RGS20: variants seen among roughly 807,000 people sequenced by gnomAD.
RGS20 encodes the protein regulator of G protein signaling 20.
A neutral mutation model predicts 33.6 loss-of-function variants in RGS20; 30 were observed. The ratio of observed to expected loss-of-function variants is 0.89; its 90% CI spans 0.67 to 1.21. RGS20 has a LOEUF of 1.21. Ranked by LOEUF, RGS20 falls within the 50% of genes most tolerant of loss-of-function variation. The pLI, the probability that RGS20 is intolerant of heterozygous loss-of-function variation, is 0.00. For synonymous variants in RGS20, 208 were observed against 197.9 expected (o/e 1.05, Z -0.43); for missense variants, 472 against 502.4 (o/e 0.94, Z 0.58).
intron 2 of RGS20, among the ~76,000 whole-genome samples, chr8:53,918,599 G>T (rs1432820404): frequency 6.6e-6 from 1 of 151,944 alleles, no homozygotes; most frequent in Non-Finnish European, 1.5e-5. Flanking sequence ...TGTTGGTCAG[G>T]CTGGTCTCGA....
chr8:53,950,879 T>C (rs1052675343), intron 4 of RGS20, among the ~76,000 whole-genome samples: 3 of 152,172 alleles, frequency 2.0e-5, no homozygotes, highest in African/African-American at 7.2e-5. Flanking sequence ...CCTCCCAAAG[T>C]GCTGGGATTA....
chr8:53,953,735 G>GT (rs1225582388), intron 4 of RGS20, among the ~76,000 whole-genome samples: 4 of 152,176 alleles, frequency 2.6e-5, no homozygotes, highest in Non-Finnish European at 5.9e-5. Flanking sequence ...TGATTAGGAA[G>GT]TTTTGGGTCA....
chr8:53,865,862 T>C (rs57546155), intron 1 of RGS20, among the ~76,000 whole-genome samples: 13,829 of 152,188 alleles, frequency 0.091, 1,304 homozygotes, highest in East Asian at 0.32. Flanking sequence ...CCTGCCTCAA[T>C]GTTCCAAAGT....
At chr8:53,906,835 T>C (rs899275286) in intron 2 of RGS20, among the ~76,000 whole-genome samples, 1 of 152,094 alleles carries the variant, frequency 6.6e-6, no homozygotes, top group Non-Finnish European at 1.5e-5. Flanking sequence ...GGGAGAGATA[T>C]GTATAGGGCA....
chr8:53,939,499 A>G, intron 2 of RGS20, 77 bp from the exon 2 acceptor site: 1 of 1,376,204 alleles, frequency 7.3e-7, no homozygotes. Flanking sequence ...AATGATCCAA[A>G]CAGCTGACTC....
Position 53,952,864 on chromosome 8 carries a change from T to C in RGS20, c.744-1212T>C, listed in dbSNP as rs574771920. On this transcript the variant is annotated intron_variant, in intron 4 of 5. Transcript: ENST00000297313. ...ATGTTTTCTGATCTCAATATAATTA[T>C]GACAGAAGTAAGAATTAACTCAAAG... is the stretch of plus-strand genomic sequence containing the variant. Among the ~76,000 whole-genome samples the C allele has an allele frequency of 2.1e-4, 32 of 152,318 alleles. 1 individual carries two copies. The South Asian group carries it at 5.2e-3, about 25-fold the overall frequency.
At chr8:53,880,907 T>C (rs965256570) in intron 2 of RGS20, 5 of 1,530,122 alleles carry the variant, frequency 3.3e-6, no homozygotes, top group Non-Finnish European at 4.4e-6. Flanking sequence ...AGAAGAGGGC[T>C]AGAGCAAAGA....
chr8:53,956,591 A>T (rs1400261929), intron 5 of RGS20, among the ~76,000 whole-genome samples: 1 of 152,146 alleles, frequency 6.6e-6, no homozygotes, highest in Admixed American at 6.5e-5. Context: ...TGACTCCCAT[A>T]TGTCTGGTGT....
chr8:53,917,311 C>G (rs1265205080), intron 2 of RGS20, among the ~76,000 whole-genome samples: 1 of 152,034 alleles, frequency 6.6e-6, no homozygotes, highest in African/African-American at 2.4e-5. Flanking sequence ...CCACACCTGG[C>G]TAATTTTTTG....
At chr8:53,939,811 T>A in intron 3 of RGS20, 87 bp downstream of exon 2, 2 of 1,414,598 alleles carry the variant, frequency 1.4e-6, no homozygotes, top group Non-Finnish European at 1.9e-6. Context: ...CTGAAAGTGG[T>A]GGCAGCTTAT....
Position 53,879,557 on chromosome 8 carries a change from GC to G in RGS20, c.468del (p.Arg157GlyfsTer77), listed in dbSNP as rs763243801. 626 of 1,540,734 alleles carry G rather than the reference GC, an allele frequency of 4.1e-4. 1 individual carries two copies. Among genetic ancestry groups the G allele is most frequent in the Non-Finnish European group, 5.0e-4 (574 of 1,144,012 alleles). ...TGAGGCCCCCCCATCCGGTAGCCAA[GC>G]CCAGGGAAGAAGACGCCACCGCTGG... On this transcript the variant is annotated frameshift_variant, in exon 2 of 6. Transcript: ENST00000297313. LOFTEE classifies it high-confidence loss of function.
Position 53,946,703 on chromosome 8 carries a change from T to C in RGS20, c.698T>C (p.Ile233Thr), listed in dbSNP as rs1387856296. The C allele has an allele frequency of 1.2e-5, 20 of 1,613,202 alleles. No individual in the cohort carries two copies. The highest frequency in any genetic ancestry group is 2.7e-5 in the African/African-American group (2 of 74,896). The change falls in exon 4 of 6, where the codon ATA becomes ACA. Residue 233 changes from isoleucine to threonine, a missense_variant. This residue lies in a region of RGS20 where 319 missense variants were observed against 283.4 expected (regional missense o/e 1.13). Coordinates refer to ENST00000297313, the MANE Select transcript of RGS20 (RefSeq NM_170587.4). The stretch of plus-strand genomic sequence containing the variant: ...AACCAGGAAGATCAGAGGCCCACAA[T>C]AGCTTCCCACGAACTCAGAGCAGAT...
At chr8:53,880,990 A>C in intron 2 of RGS20, 1 of 1,593,630 alleles carries the variant, frequency 6.3e-7, no homozygotes, top group Non-Finnish European at 8.5e-7. Context: ...CCGCGCTGCA[A>C]TATTGAGAAG....
chr8:53,852,077 C>T (rs1811578463), intron 1 of RGS20: 1 of 1,602,206 alleles, frequency 6.2e-7, no homozygotes, highest in South Asian at 1.1e-5. Context: ...AAGGTGATTT[C>T]CACAATCCAT....
In RGS20 at chr8:53,869,632, C is replaced by T. The variant is rs141064741; in HGVS notation, c.166-9626C>T. Among the ~76,000 whole-genome samples, 389 of 152,246 alleles carry T rather than the reference C, an allele frequency of 2.6e-3. 2 individuals are homozygous for T. The highest frequency in any genetic ancestry group is 8.3e-3 in the African/African-American group (345 of 41,546). ...TGGAGGTTGCGGCGAGCCAAGATCA[C>T]GCCACTACACTCCAGCCTAGGTGAT... On this transcript the variant is annotated intron_variant, in intron 1 of 5. Coordinates refer to ENST00000297313, the MANE Select transcript of RGS20 (RefSeq NM_170587.4).
At chr8:53,926,052 A>G (rs1813786916) in intron 2 of RGS20, among the ~76,000 whole-genome samples, 1 of 152,070 alleles carries the variant, frequency 6.6e-6, no homozygotes, top group Non-Finnish European at 1.5e-5. Context: ...TATGAAAAAA[A>G]ATTGTTAATT....
chr8:53,873,224 G>C (rs1812118585), intron 1 of RGS20, among the ~76,000 whole-genome samples: 1 of 152,090 alleles, frequency 6.6e-6, no homozygotes, highest in Admixed American at 6.5e-5. Flanking sequence ...CCAAAAGCTG[G>C]ACAAATGCCA....
intron 3 of RGS20, among the ~76,000 whole-genome samples, chr8:53,940,457 T>G (rs1814256739): frequency 6.6e-6 from 1 of 152,200 alleles, no homozygotes; most frequent in Non-Finnish European, 1.5e-5. Flanking sequence ...CATCCTAAAT[T>G]TATGTAGGCT....
At position 53,950,621 on chromosome 8, in the gene RGS20, T is replaced by G. The variant is rs1362283035; in HGVS notation, c.744-3455T>G. 6.0e-5 allele frequency among the ~76,000 whole-genome samples: 8 copies of G among 132,620 alleles called. No individual in the cohort carries two copies. In the East Asian group the frequency reaches 1.3e-3, roughly 22 times the overall value. 87.0% of individuals were successfully genotyped at this position (132,620 alleles called of 152,430 possible). On this transcript the variant is annotated intron_variant, in intron 4 of 5. Coordinates refer to ENST00000297313, the MANE Select transcript of RGS20 (RefSeq NM_170587.4). The stretch of plus-strand genomic sequence containing the variant: ...GATAAGAATTGACATTAATGTTTTG[T>G]TTTTTTTTTTTTAGACAGGGTCTCA...
Sources: gnomAD v4.1 joint callset for allele counts (sites outside exome capture counted in the v4.1 genomes callset) on GRCh38, gnomAD v4.1.1 for gene constraint, gnomAD v4.1.1 regional missense constraint, MANE v1.5 for transcripts, NCBI Gene and HGNC (gene_info 2026-07-23, HGNC 2026-07-21) for gene names.